SEMA6D: variants seen among roughly 807,000 people sequenced by gnomAD.
SEMA6D encodes semaphorin 6D, also known as semaphorin-6D.
A neutral mutation model predicts 106.6 loss-of-function variants in SEMA6D; 35 were observed. The observed-to-expected ratio is 0.33, with a 90% confidence interval of 0.25 to 0.44. SEMA6D has a LOEUF of 0.44. Ranked by LOEUF, SEMA6D falls within the 20% of genes least tolerant of loss-of-function variation. The pLI is 1.00. For synonymous variants in SEMA6D, 499 were observed against 487.7 expected (o/e 1.02, Z -0.31); for missense variants, 1,185 against 1,345.9 (o/e 0.88, Z 1.87).
At chr15:47,329,902 T>C (rs2037277070) in intron 1 of SEMA6D, among the ~76,000 whole-genome samples, 1 of 152,250 alleles carries the variant, frequency 6.6e-6, no homozygotes, top group South Asian at 2.1e-4. Context: ...ATAAAGATGC[T>C]ATCTAAGAAC....
chr15:47,526,628 A>G (rs1399709904), intron 3 of SEMA6D, among the ~76,000 whole-genome samples: 1 of 152,230 alleles, frequency 6.6e-6, no homozygotes. Flanking sequence ...GGGGGTGGGC[A>G]GCCAGCTTTT....
intron 4 of SEMA6D, among the ~76,000 whole-genome samples, chr15:47,668,005 T>C (rs968154522): frequency 4.6e-5 from 7 of 152,236 alleles, no homozygotes; most frequent in Non-Finnish European, 1.0e-4. Context: ...GAATATATAC[T>C]ATTATTACAT....
intron 17 of SEMA6D, chr15:47,767,318 A>T: frequency 2.6e-6 from 1 of 390,436 alleles, no homozygotes; most frequent in Non-Finnish European, 4.6e-6. Context: ...CTTTAAGAAA[A>T]TTCAAATGGG....
At chr15:47,526,514 A>G (rs944766735) in intron 3 of SEMA6D, among the ~76,000 whole-genome samples, 5 of 152,222 alleles carry the variant, frequency 3.3e-5, no homozygotes, top group African/African-American at 1.2e-4. Context: ...TATTCAGACC[A>G]AAGCAGCTAG....
chr15:47,442,043 A>G (rs1465079993), intron 2 of SEMA6D, among the ~76,000 whole-genome samples: 1 of 152,172 alleles, frequency 6.6e-6, no homozygotes, highest in African/African-American at 2.4e-5. Flanking sequence ...TTATAAAGGC[A>G]GCTAAATTCA....
At chr15:47,249,101 G>A (rs2033364764) in intron 1 of SEMA6D, among the ~76,000 whole-genome samples, 1 of 152,106 alleles carries the variant, frequency 6.6e-6, no homozygotes, top group Non-Finnish European at 1.5e-5. Context: ...GATGGTGCAT[G>A]CCTGTAATCC....
At chr15:47,471,671 A>G (rs923581818) in intron 3 of SEMA6D, among the ~76,000 whole-genome samples, 2 of 152,172 alleles carry the variant, frequency 1.3e-5, no homozygotes, top group African/African-American at 4.8e-5. Flanking sequence ...AGATAAGCCC[A>G]TATTCCTTGG....
intron 3 of SEMA6D, among the ~76,000 whole-genome samples, chr15:47,474,641 C>CACA (rs2042952164): frequency 6.6e-6 from 1 of 152,168 alleles, no homozygotes; most frequent in African/African-American, 2.4e-5. Flanking sequence ...TTAACACCTA[C>CACA]GCAAGTTGCT....
intron 1 of SEMA6D, among the ~76,000 whole-genome samples, chr15:47,270,576 A>G (rs1391322449): frequency 6.6e-6 from 1 of 152,186 alleles, no homozygotes; most frequent in Non-Finnish European, 1.5e-5. Context: ...TTTTGCCATT[A>G]ACTTTGATGT....
intron 2 of SEMA6D, among the ~76,000 whole-genome samples, chr15:47,425,782 G>A (rs1418060598): frequency 4.0e-5 from 6 of 151,230 alleles, no homozygotes; most frequent in African/African-American, 7.3e-5. Context: ...GCGAGGTAAA[G>A]CGAGGTAAAG....
intron 1 of SEMA6D, among the ~76,000 whole-genome samples, chr15:47,221,770 T>A (rs2031228924): frequency 6.6e-6 from 1 of 152,208 alleles, no homozygotes; most frequent in Non-Finnish European, 1.5e-5. Flanking sequence ...ATTTTGAAAC[T>A]GTGTTAGTAA....
intron 3 of SEMA6D, among the ~76,000 whole-genome samples, chr15:47,577,234 T>A (rs771785072): frequency 1.3e-5 from 2 of 152,228 alleles, no homozygotes; most frequent in African/African-American, 4.8e-5. Flanking sequence ...ATTTTGACTT[T>A]AACAGCAAGG....
chr15:47,596,157 C>T (rs571373641), intron 3 of SEMA6D, among the ~76,000 whole-genome samples: 285 of 151,858 alleles, frequency 1.9e-3, no homozygotes, highest in Non-Finnish European at 3.4e-3. Context: ...AACAAATTAT[C>T]CAAAAAAGAA....
intron 4 of SEMA6D, among the ~76,000 whole-genome samples, chr15:47,606,065 T>G (rs1181805798): frequency 6.6e-6 from 1 of 151,982 alleles, no homozygotes; most frequent in Non-Finnish European, 1.5e-5. Context: ...TTGCTAAGAG[T>G]TGCCTCATTA....
At chr15:47,244,578 A>C (rs1054748293) in intron 1 of SEMA6D, among the ~76,000 whole-genome samples, 16 of 152,286 alleles carry the variant, frequency 1.1e-4, no homozygotes, top group African/African-American at 3.4e-4. Flanking sequence ...TTACTTGTCC[A>C]GGTTTGTACA....
intron 1 of SEMA6D, among the ~76,000 whole-genome samples, chr15:47,271,925 G>C (rs532379442): frequency 1.2e-4 from 19 of 152,150 alleles, no homozygotes; most frequent in African/African-American, 1.9e-4. Flanking sequence ...TATGACCCAA[G>C]CATTTCACTA....
intron 2 of SEMA6D, among the ~76,000 whole-genome samples, chr15:47,438,308 A>G (rs2041784287): frequency 6.6e-6 from 1 of 152,046 alleles, no homozygotes; most frequent in Non-Finnish European, 1.5e-5. Flanking sequence ...CTCCTAAGTC[A>G]TCGCTCTTCT....
intron 4 of SEMA6D, among the ~76,000 whole-genome samples, chr15:47,684,841 C>CCATT (rs907200531): frequency 5.3e-5 from 8 of 152,144 alleles, no homozygotes; most frequent in African/African-American, 1.4e-4. Context: ...GAAAGGTACT[C>CCATT]CATTCATTCA....
chr15:47,370,716 T>C (rs1165108689), intron 1 of SEMA6D, among the ~76,000 whole-genome samples: 1 of 120,170 alleles, frequency 8.3e-6, no homozygotes. Flanking sequence ...AAAAATTTGA[T>C]GGGTGTGGCA....
Sources: gnomAD v4.1 joint callset for allele counts (sites outside exome capture counted in the v4.1 genomes callset) on GRCh38, gnomAD v4.1.1 for gene constraint, MANE v1.5 for transcripts, NCBI Gene and HGNC (gene_info 2026-07-23, HGNC 2026-07-21) for gene names.